MKRN2: variants seen among roughly 807,000 people sequenced by gnomAD.
The protein encoded by MKRN2 is E3 ubiquitin-protein ligase makorin-2.
A neutral mutation model predicts 45.4 loss-of-function variants in MKRN2; 32 were observed. The observed-to-expected ratio is 0.70, with a 90% CI of 0.53 to 0.95. The LOEUF is 0.95. Ranked by LOEUF, MKRN2 falls within the 40% of genes least tolerant of loss-of-function variation. The pLI is 0.00. For synonymous variants in MKRN2, 206 were observed against 192.4 expected (o/e 1.07, Z -0.59); for missense variants, 526 against 536.7 (o/e 0.98, Z 0.20).
At chr3:12,571,956 C>A in intron 3 of MKRN2, 113 bp from the exon 4 acceptor site, 1 of 1,060,832 alleles carries the variant, frequency 9.4e-7, no homozygotes, top group Non-Finnish European at 1.3e-6. Flanking sequence ...GCCATATGTT[C>A]TCAAGAGTGG....
At chr3:12,571,924 T>A in intron 3 of MKRN2, 145 bp from the exon 4 acceptor site, 1 of 740,386 alleles carries the variant, frequency 1.4e-6, no homozygotes, top group East Asian at 2.9e-5. Flanking sequence ...CTTTTATTTT[T>A]CCCCTTCGGT....
intron 1 of MKRN2, among the ~76,000 whole-genome samples, chr3:12,566,868 G>A (rs946692045): frequency 2.0e-5 from 3 of 152,214 alleles, no homozygotes; most frequent in Admixed American, 6.5e-5. Flanking sequence ...CTCCCAAAGC[G>A]CTGGGATTAT....
intron 1 of MKRN2, 142 bp downstream of exon 1, chr3:12,557,318 G>A: frequency 8.3e-7 from 1 of 1,212,094 alleles, no homozygotes; most frequent in South Asian, 1.7e-5. Flanking sequence ...GGCTTTGCGA[G>A]GCAGAGCGAG....
At position 12,570,400 on chromosome 3, in the gene MKRN2, G is replaced by A. The variant is rs1575519541; in HGVS notation, c.337+148G>A. On this transcript the variant is annotated intron_variant, in intron 3 of 7. Coordinates refer to ENST00000170447, the MANE Select transcript of MKRN2 (RefSeq NM_014160.5). ...CGCGGAGAGACTTCAGAACTGTTCT[G>A]AAGAGGCTCCATGTGGCTGCAGATC... The A allele has an allele frequency of 9.2e-6, 7 of 758,002 alleles. No homozygotes were observed. The East Asian group carries it at 2.0e-4, about 21-fold the overall frequency. 47.0% of individuals were successfully genotyped at this position (758,002 alleles called of 1,614,324 possible).
intron 6 of MKRN2, among the ~76,000 whole-genome samples, chr3:12,579,542 G>A (rs2058164493): frequency 6.6e-6 from 1 of 152,196 alleles, no homozygotes; most frequent in Admixed American, 6.5e-5. Context: ...TCTTCATGAG[G>A]GACCATCTAT....
chr3:12,561,147 T>C (rs1465581218), intron 1 of MKRN2: 1 of 152,240 alleles, frequency 6.6e-6, no homozygotes, highest in East Asian at 1.9e-4. Context: ...GAAATTATTT[T>C]TGAATCTGTT....
At chr3:12,560,030 C>A (rs993340647) in intron 1 of MKRN2, among the ~76,000 whole-genome samples, 5 of 152,176 alleles carry the variant, frequency 3.3e-5, no homozygotes, top group African/African-American at 1.2e-4. Context: ...GTTCTGGATT[C>A]TAATCCTGGT....
intron 1 of MKRN2, chr3:12,561,087 A>C (rs778411145): frequency 1.3e-5 from 2 of 152,240 alleles, no homozygotes; most frequent in Admixed American, 1.3e-4. Flanking sequence ...CACCTCTTAC[A>C]TAACTCTCAT....
rs5746255 is a variant in MKRN2, at chr3:12,582,822, A to G, written c.*569A>G. ...GGCTTTAAGGGTGGTCATTTTTTTC[A>G]AGTTCTCTCAAGTGTCCCAAATCAG... is the stretch of plus-strand genomic sequence containing the variant. On this transcript the variant is annotated 3_prime_UTR_variant, in exon 8 of 8. Coordinates refer to ENST00000170447, the MANE Select transcript of MKRN2 (RefSeq NM_014160.5). 38,645 of 152,668 alleles carry G rather than the reference A, an allele frequency of 0.25. 5,418 individuals are homozygous for G. Among genetic ancestry groups the G allele is most frequent in the African/African-American group, 0.37 (15,295 of 41,490 alleles). The allele number at this position is 152,668 out of a possible 1,614,324, so 9.5% of individuals were successfully genotyped here. A position where few individuals can be genotyped will look rare whatever the true frequency, so the allele number is the denominator to read the frequency against.
chr3:12,572,592 C>CT (rs569686975), intron 4 of MKRN2, among the ~76,000 whole-genome samples: 2,151 of 145,024 alleles, frequency 0.015, 29 homozygotes, highest in Admixed American at 0.045. Context: ...GTCATTTTGC[C>CT]ATTTTTTTTT....
chr3:12,581,593 G>A (rs2058178417), intron 6 of MKRN2, among the ~76,000 whole-genome samples: 1 of 152,232 alleles, frequency 6.6e-6, no homozygotes, highest in South Asian at 2.1e-4. Context: ...CTGCAGGTAA[G>A]TGGGGATACT....
intron 4 of MKRN2, among the ~76,000 whole-genome samples, chr3:12,572,804 C>T (rs540874511): frequency 3.9e-5 from 6 of 152,150 alleles, no homozygotes; most frequent in South Asian, 2.1e-4. Context: ...AGGCTGGTCT[C>T]GAACTCCTGA....
chr3:12,582,007 A>G, intron 7 of MKRN2, 55 bp downstream of exon 7: 1 of 1,609,438 alleles, frequency 6.2e-7, no homozygotes, highest in Non-Finnish European at 8.5e-7. Flanking sequence ...GGGCATTTCC[A>G]GGTACCGTTC....
rs2057983413 is a variant in MKRN2 at position 12,557,229 on chromosome 3, G to C, written c.26+53G>C. The C allele has an allele frequency of 2.0e-6, 3 of 1,518,016 alleles. No individual in the cohort carries two copies. The African/African-American group carries it at 4.3e-5, about 22-fold the overall frequency. The allele number at this position is 1,518,016 out of a possible 1,614,324, so 94.0% of individuals were successfully genotyped here. ...GGCCGCTCCCCCAGGCCGCAGGGGGGCCGGTGCGCGCCAGTGCTGTGGTCC... is the reference window on the plus strand; with the variant it reads ...GGCCGCTCCCCCAGGCCGCAGGGGGCCCGGTGCGCGCCAGTGCTGTGGTCC... On this transcript the variant is annotated intron_variant, in intron 1 of 7. Coordinates refer to ENST00000170447, the MANE Select transcript of MKRN2 (RefSeq NM_014160.5).
At position 12,582,916 on chromosome 3, in the gene MKRN2, G is replaced by T. The variant is rs1214312627; in HGVS notation, c.*663G>T. 1 of 152,416 alleles carries T rather than the reference G, an allele frequency of 6.6e-6. No individual in the cohort carries two copies. Among genetic ancestry groups the T allele is most frequent in the Admixed American group, 6.5e-5 (1 of 15,292 alleles). The allele number at this position is 152,416 out of a possible 1,614,324, so 9.4% of individuals were successfully genotyped here. A position where few individuals can be genotyped will look rare whatever the true frequency, so the allele number is the denominator to read the frequency against. ...TATAGATCTTCTTCTCCCTTAGGGA[G>T]GCTCTTGAAGGAGCAGGAGGTACAG... is the stretch of plus-strand genomic sequence containing the variant. On this transcript the variant is annotated 3_prime_UTR_variant, in exon 8 of 8. Transcript: ENST00000170447.
intron 6 of MKRN2, among the ~76,000 whole-genome samples, chr3:12,581,344 T>C (rs886947222): frequency 6.6e-6 from 1 of 152,300 alleles, no homozygotes; most frequent in Non-Finnish European, 1.5e-5. Flanking sequence ...CTGCTTTCCC[T>C]GTAGCCACCT....
At chr3:12,569,975 C>A in intron 2 of MKRN2, 96 bp from the exon 3 acceptor site, 1 of 1,206,236 alleles carries the variant, frequency 8.3e-7, no homozygotes, top group Non-Finnish European at 1.1e-6. Context: ...TTCACCTCAA[C>A]AAGTGCAGCA....
rs745540947 is a variant in MKRN2 at position 12,575,025 on chromosome 3, C to G, written c.857+19C>G. ...TCATTAAGTAAGTACAGCCAGGGGT[C>G]TTAGCTGTGGGAGCTAGGAGAATGT... On this transcript the variant is annotated intron_variant, in intron 5 of 7. Transcript: ENST00000170447. 5.0e-6 allele frequency: 8 copies of G among 1,604,066 alleles called. No homozygotes were observed. The African/African-American group carries it at 9.4e-5, about 19-fold the overall frequency.
chr3:12,581,544 C>T (rs2058178192), intron 6 of MKRN2, among the ~76,000 whole-genome samples: 1 of 152,220 alleles, frequency 6.6e-6, no homozygotes, highest in Non-Finnish European at 1.5e-5. Flanking sequence ...GCAGTCTCCA[C>T]ACAGCAAGTC....
Sources: gnomAD v4.1 joint callset for allele counts (sites outside exome capture counted in the v4.1 genomes callset) on GRCh38, gnomAD v4.1.1 for gene constraint, MANE v1.5 for transcripts, NCBI Gene and HGNC (gene_info 2026-07-23, HGNC 2026-07-21) for gene names.